The following MGMT variants were observed in gnomAD, a reference collection of about 807,000 sequenced individuals.
The protein encoded by MGMT is O-6-methylguanine-DNA methyltransferase.
In MGMT, 14 loss-of-function variants were observed where a neutral mutation model predicts 15.9. The observed-to-expected ratio is 0.88, with a 90% CI of 0.58 to 1.37. The LOEUF is 1.37. MGMT is among the 40% of genes most tolerant of loss of function. The pLI is 0.00. For synonymous variants in MGMT, 130 were observed against 118.2 expected, an observed-to-expected ratio of 1.10 and a Z score of -0.65; for missense variants, 282 against 268.1, an observed-to-expected ratio of 1.05 and a Z score of -0.36.
At chr10:129,664,179 T>C (rs1307706330) in intron 2 of MGMT, among the ~76,000 whole-genome samples, 1 of 152,188 alleles carries the variant, frequency 6.6e-6, no homozygotes, top group Non-Finnish European at 1.5e-5. Context: ...GTTCATTGCA[T>C]TGCAGATGAA....
chr10:129,627,759 A>G (rs1847167143), intron 2 of MGMT, among the ~76,000 whole-genome samples: 1 of 152,266 alleles, frequency 6.6e-6, no homozygotes, highest in Non-Finnish European at 1.5e-5. Flanking sequence ...TATATTTTAT[A>G]GACACTCGAC....
At chr10:129,495,244 G>A (rs367890685) in intron 1 of MGMT, among the ~76,000 whole-genome samples, 2 of 152,310 alleles carry the variant, frequency 1.3e-5, no homozygotes, top group African/African-American at 4.8e-5. Context: ...TAGAGTTACA[G>A]AACTCTTGAT....
chr10:129,749,610 C>T (rs939116571), intron 3 of MGMT, among the ~76,000 whole-genome samples: 1 of 152,106 alleles, frequency 6.6e-6, no homozygotes, highest in Non-Finnish European at 1.5e-5. Context: ...GTGAGGATGT[C>T]AGTTTTCAAA....
At chr10:129,724,706 G>T (rs1462448425) in intron 3 of MGMT, among the ~76,000 whole-genome samples, 2 of 152,244 alleles carry the variant, frequency 1.3e-5, no homozygotes, top group Admixed American at 1.3e-4. Flanking sequence ...ATAGATATAT[G>T]ATAAAAACAA....
chr10:129,513,730 A>G (rs556113075), intron 1 of MGMT, among the ~76,000 whole-genome samples: 5 of 152,362 alleles, frequency 3.3e-5, no homozygotes, highest in African/African-American at 1.2e-4. Flanking sequence ...AGGGAAGGCC[A>G]TGATGCAGTG....
intron 2 of MGMT, among the ~76,000 whole-genome samples, chr10:129,698,334 T>C (rs1848056221): frequency 6.6e-6 from 1 of 151,984 alleles, no homozygotes; most frequent in Admixed American, 6.6e-5. Context: ...TTGATCTCTG[T>C]GTATAGATCG....
intron 3 of MGMT, among the ~76,000 whole-genome samples, chr10:129,731,998 A>G (rs1400337046): frequency 6.6e-6 from 1 of 152,164 alleles, no homozygotes; most frequent in Non-Finnish European, 1.5e-5. Flanking sequence ...TAGTATTGCT[A>G]TGGAAATGAT....
Position 129,708,971 on chromosome 10 carries a change from C to A in MGMT, c.274+928C>A, listed in dbSNP as rs149284996. 7.2e-4 allele frequency among the ~76,000 whole-genome samples: 110 copies of A among 152,288 alleles called. No individual in the cohort carries two copies. The East Asian group carries it at 0.019, about 26-fold the overall frequency. On this transcript the variant is annotated intron_variant, in intron 3 of 4. Transcript: ENST00000651593. The stretch of plus-strand genomic sequence containing the variant: ...TTTCAAGGGAAGCAGGTAAAGAAAC[C>A]CCTGAAGGTTGGGCTAATACCTGAG...
At chr10:129,764,854 G>A (rs3793911) in intron 4 of MGMT, among the ~76,000 whole-genome samples, 18,899 of 152,182 alleles carry the variant, frequency 0.12, 1,228 homozygotes, top group Middle Eastern at 0.18. Flanking sequence ...GAGAGGCCCC[G>A]GGTCTGCAGC....
At chr10:129,736,508 T>G (rs926001471) in intron 3 of MGMT, among the ~76,000 whole-genome samples, 3 of 147,484 alleles carry the variant, frequency 2.0e-5, no homozygotes, top group African/African-American at 4.9e-5. Flanking sequence ...GTCTTGACTC[T>G]TTATCCAATT....
chr10:129,664,415 A>G (rs7901876), intron 2 of MGMT, among the ~76,000 whole-genome samples: 34,995 of 152,234 alleles, frequency 0.23, 6,879 homozygotes, highest in African/African-American at 0.53. Context: ...GGACACTTAC[A>G]TGGAGTAGGC....
At chr10:129,653,025 C>T (rs557989883) in intron 2 of MGMT, among the ~76,000 whole-genome samples, 8 of 152,340 alleles carry the variant, frequency 5.3e-5, no homozygotes, top group African/African-American at 1.4e-4. Context: ...GGGATCCCTC[C>T]AGGGTTGGCT....
chr10:129,764,632 G>C (rs1848912181), intron 4 of MGMT, among the ~76,000 whole-genome samples: 3 of 152,244 alleles, frequency 2.0e-5, no homozygotes, highest in African/African-American at 7.2e-5. Context: ...GGGGAAGCTG[G>C]GCATGGGCAG....
intron 2 of MGMT, among the ~76,000 whole-genome samples, chr10:129,683,981 G>A (rs557519155): frequency 3.2e-4 from 49 of 152,258 alleles, no homozygotes; most frequent in Non-Finnish European, 6.8e-4. Context: ...TGGCTTGCTG[G>A]TAGCTGCTCC....
In MGMT at chr10:129,655,463, C is replaced by T. The variant is rs1033450300; in HGVS notation, c.126-52432C>T. Among the ~76,000 whole-genome samples the T allele has an allele frequency of 1.1e-4, 17 of 152,188 alleles. 1 individual carries two copies. The highest frequency in any genetic ancestry group is 3.9e-4 in the Admixed American group (6 of 15,278). ...CCTGACGCTTCTAGAGGGCCTCATC[C>T]CGGAAGCTGGTGGGGAGAGCAGGAA... On this transcript the variant is annotated intron_variant, in intron 2 of 4. Coordinates refer to ENST00000651593, the MANE Select transcript of MGMT (RefSeq NM_002412.5).
At chr10:129,660,855 T>C (rs1297258776) in intron 2 of MGMT, among the ~76,000 whole-genome samples, 1 of 152,090 alleles carries the variant, frequency 6.6e-6, no homozygotes, top group Non-Finnish European at 1.5e-5. Flanking sequence ...TTCTGGGGAA[T>C]GTTCGTATGT....
chr10:129,543,198 C>T (rs188097417), intron 2 of MGMT, among the ~76,000 whole-genome samples: 93 of 152,272 alleles, frequency 6.1e-4, no homozygotes, highest in Non-Finnish European at 1.2e-3. Flanking sequence ...GTGATGGTGG[C>T]AGCTCTTGGA....
intron 2 of MGMT, among the ~76,000 whole-genome samples, chr10:129,589,824 G>A (rs975213274): frequency 6.6e-6 from 1 of 152,222 alleles, no homozygotes; most frequent in Non-Finnish European, 1.5e-5. Context: ...GCCTCCAGCT[G>A]GGAGCCGCGT....
At position 129,676,843 on chromosome 10, in the gene MGMT, T is replaced by C. The variant is rs535382479; in HGVS notation, c.126-31052T>C. Among the ~76,000 whole-genome samples, 5 of 152,276 alleles carry C rather than the reference T, an allele frequency of 3.3e-5. No homozygotes were observed. The East Asian group carries it at 9.7e-4, about 29-fold the overall frequency. On this transcript the variant is annotated intron_variant, in intron 2 of 4. Transcript: ENST00000651593. ...TACTTTTTTAGCACAGAGAATTCTG[T>C]ATAGCATAAAGCAGTAAATCACAGA...
Sources: gnomAD v4.1 joint callset for allele counts (sites outside exome capture counted in the v4.1 genomes callset) on GRCh38, gnomAD v4.1.1 for gene constraint, MANE v1.5 for transcripts, NCBI Gene and HGNC (gene_info 2026-07-23, HGNC 2026-07-21) for gene names.